TERT: variants seen among roughly 807,000 people sequenced by gnomAD.
The protein encoded by TERT is telomerase reverse transcriptase.
In TERT, 42 loss-of-function variants were observed where a neutral mutation model predicts 104.0. The ratio of observed to expected loss-of-function variants is 0.40; its 90% CI spans 0.32 to 0.52. The LOEUF is 0.52. TERT is among the 20% of genes least tolerant of loss of function. TERT has a pLI of 0.43. For synonymous variants in TERT, 781 were observed against 725.6 expected (o/e 1.08, Z -1.23); for missense variants, 1,101 against 1,610.3 (o/e 0.68, Z 5.41).
chr5:1,270,981 G>A lies in TERT; in HGVS notation c.2468+138C>T. On this transcript the variant is annotated intron_variant, in intron 8 of 15. Transcript: ENST00000310581. The surrounding 1 kb of genome is among the most constrained non-coding windows in gnomAD (Gnocchi z 8.3). The stretch of plus-strand genomic sequence containing the variant: ...GGAGCCTGCAGCCCAGGAGCCGGAG[G>A]GGGCGGGGGCCAGAAAAGGAGACTC... The A allele has an allele frequency of 2.9e-6, 2 of 687,770 alleles. No individual in the cohort carries two copies. Among genetic ancestry groups the A allele is most frequent in the East Asian group, 2.7e-5 (1 of 36,556 alleles). 42.6% of individuals were successfully genotyped at this position (687,770 alleles called of 1,614,324 possible). A position where few individuals can be genotyped will look rare whatever the true frequency, so the allele number is the denominator to read the frequency against.
rs751231538 is a variant in TERT at position 1,294,167 on chromosome 5, C to T, written c.719G>A (p.Arg240His). Reference protein sequence around the residue: ...RSLPLPKRPRRGAAPEPERTP... With the variant: ...RSLPLPKRPRHGAAPEPERTP... ...CCGCTCCGGCTCAGGGGCAGCGCCA[C>T]GCCTGGGCCTCTTGGGCAACGGCAG... Residue 240 changes from arginine to histidine, a missense_variant, in exon 2 of 16, where the codon CGT (arginine) becomes CAT (histidine). By Grantham distance (29) the Arg-to-His change is conservative. Coordinates refer to ENST00000310581, the MANE Select transcript of TERT (RefSeq NM_198253.3). 1.5e-5 allele frequency: 23 copies of T among 1,581,342 alleles called. No homozygotes were observed. In the East Asian group the frequency reaches 4.9e-4, roughly 34 times the overall value.
chr5:1,267,852 G>A (rs1160578399), intron 9 of TERT, among the ~76,000 whole-genome samples: 1 of 152,162 alleles, frequency 6.6e-6, no homozygotes, highest in Non-Finnish European at 1.5e-5. Flanking sequence ...GGGGAGTGGG[G>A]AGGGATAGCA....
intron 1 of TERT, 46 bp downstream of exon 1, chr5:1,294,725 C>A (rs1223364953): frequency 2.5e-6 from 4 of 1,570,152 alleles, no homozygotes; most frequent in Non-Finnish European, 3.4e-6. Context: ...TGGTTCCCCC[C>A]GGCCGCCCTC....
rs1747651803 is a variant in TERT at position 1,255,411 on chromosome 5, C to T, written c.3033G>A (p.Arg1011=). The T allele has an allele frequency of 1.2e-6, 2 of 1,614,188 alleles. No individual in the cohort carries two copies. Among genetic ancestry groups the T allele is most frequent in the Non-Finnish European group, 1.7e-6 (2 of 1,180,024 alleles). The stretch of plus-strand genomic sequence containing the variant: ...GGAGCTGCAGCACACATGCGTGAAA[C>T]CTGAGAGGATGGCGGACAGCGTCAG... ...IYKILLLQAY[R]FHACVLQLPF... The change falls in exon 14 of 16, where the codon AGG becomes AGA. Residue 1011 remains arginine (R), a splice_region_variant and synonymous_variant. Transcript: ENST00000310581. The surrounding 1 kb of genome is among the most constrained non-coding windows in gnomAD (Gnocchi z 6.9).
chr5:1,284,879 C>A (rs1750369656), intron 2 of TERT, among the ~76,000 whole-genome samples: 1 of 149,016 alleles, frequency 6.7e-6, no homozygotes, highest in African/African-American at 2.5e-5. Context: ...CACCGTCTGG[C>A]GACCTCACTC....
Position 1,279,294 on chromosome 5 carries a change from G to T in TERT, c.2127C>A (p.Val709=), listed in dbSNP as rs765264494. Residue 709 remains valine (V), a synonymous_variant, in exon 5 of 16, where the codon GTC becomes GTA. Transcript: ENST00000310581. ...CACGGGGGTCCCCGGCACCCACCTT[G>T]ACAAAGTACAGCTCAGGCGGCGGGT... The part of the protein sequence containing the change: ...AQDPPPELYF[V]KVDVTGAYDT... The T allele has an allele frequency of 1.9e-6, 3 of 1,579,994 alleles. No individual in the cohort carries two copies. In the South Asian group the frequency reaches 3.5e-5, roughly 18 times the overall value.
Position 1,253,568 on chromosome 5 carries a change from T to A in TERT, c.*160A>T. ...TCAGGCCTCAGCCGGACACTCAGCC[T>A]TCAGCCGGACATGCAGGCCTCGGCC... On this transcript the variant is annotated 3_prime_UTR_variant, in exon 16 of 16. Transcript: ENST00000310581. 2 of 668,160 alleles carry A rather than the reference T, an allele frequency of 3.0e-6. No homozygotes were observed. The highest frequency in any genetic ancestry group is 3.5e-5 in the South Asian group (2 of 57,150). The allele number at this position is 668,160 out of a possible 1,614,324, so 41.4% of individuals were successfully genotyped here.
chr5:1,277,113 G>C (rs1749652929), intron 6 of TERT, among the ~76,000 whole-genome samples: 1 of 152,190 alleles, frequency 6.6e-6, no homozygotes, highest in Non-Finnish European at 1.5e-5. Context: ...TGGGCACGTG[G>C]GCATCAAGAG....
At chr5:1,260,783 ACT>A (rs1163553764) in intron 11 of TERT, among the ~76,000 whole-genome samples, 183 bp from the exon 12 acceptor site, 10 of 152,086 alleles carry the variant, frequency 6.6e-5, no homozygotes, top group African/African-American at 1.7e-4. Flanking sequence ...TGCCATCCAG[ACT>A]CTGCATGACC....
chr5:1,293,597 T>C lies in TERT; in HGVS notation c.1289A>G (p.Lys430Arg). Residue 430 changes from lysine (K) to arginine (R), a missense_variant, in exon 2 of 16, where the codon AAG becomes AGG. By Grantham distance (26) the Lys-to-Arg change is conservative. Transcript: ENST00000310581. ...TPAAGVCARE[K>R]PQGSVAAPEE... ...GGGGGCCGCCACAGAGCCCTGGGGC[T>C]TCTCCCGGGCACAGACACCGGCTGC... is the stretch of plus-strand genomic sequence containing the variant. 6.5e-7 allele frequency: 1 copy of C among 1,548,022 alleles called. No individual in the cohort carries two copies. Among genetic ancestry groups the C allele is most frequent in the Non-Finnish European group, 8.7e-7 (1 of 1,145,038 alleles).
At position 1,293,617 on chromosome 5, in the gene TERT, G is replaced by T. The variant is rs190411812; in HGVS notation, c.1269C>A (p.Ala423=). Reference sequence around the variant, plus strand: ...GGGGCTTCTCCCGGGCACAGACACCGGCTGCTGGGGTGACCGCAGCTCGCA... The same window carrying T: ...GGGGCTTCTCCCGGGCACAGACACCTGCTGCTGGGGTGACCGCAGCTCGCA... ...CPLRAAVTPA[A]GVCAREKPQG... Residue 423 remains alanine (A), a synonymous_variant, in exon 2 of 16, where the codon GCC becomes GCA. Coordinates refer to ENST00000310581, the MANE Select transcript of TERT (RefSeq NM_198253.3). 1.0e-4 allele frequency: 162 copies of T among 1,550,082 alleles called. 2 individuals are homozygous for T. In the African/African-American group the frequency reaches 1.9e-3, roughly 19 times the overall value.
chr5:1,290,693 C>A (rs1750854636), intron 2 of TERT, among the ~76,000 whole-genome samples: 1 of 70,582 alleles, frequency 1.4e-5, no homozygotes, highest in Admixed American at 1.4e-4. Context: ...GCCTCACTCA[C>A]CCTGCACGTG....
intron 15 of TERT, 103 bp downstream of exon 15, chr5:1,254,265 G>T: frequency 1.3e-6 from 2 of 1,529,552 alleles, no homozygotes; most frequent in Non-Finnish European, 1.8e-6. Context: ...AGGCCCGGGG[G>T]CGTCTGCACT....
chr5:1,258,510 G>A lies in TERT; in HGVS notation c.3032+88C>T, dbSNP rs533921916. 1.2e-5 allele frequency: 14 copies of A among 1,214,634 alleles called. No homozygotes were observed. In the South Asian group the frequency reaches 1.5e-4, roughly 13 times the overall value. The allele number at this position is 1,214,634 out of a possible 1,614,324, so 75.2% of individuals were successfully genotyped here. ...GACATTCCTTGCCCCTAAAACCCAG[G>A]AGTTCCAAGGTGAAGCCCCGGGTCA... On this transcript the variant is annotated intron_variant, in intron 13 of 15. Coordinates refer to ENST00000310581, the MANE Select transcript of TERT (RefSeq NM_198253.3).
At position 1,286,706 on chromosome 5, in the gene TERT, T is replaced by C. The variant is rs1479461127; in HGVS notation, c.1574-4082A>G. 1.3e-5 allele frequency among the ~76,000 whole-genome samples: 2 copies of C among 152,098 alleles called. No homozygotes were observed. Among genetic ancestry groups the C allele is most frequent in the South Asian group, 2.1e-4 (1 of 4,796 alleles). On this transcript the variant is annotated intron_variant, in intron 2 of 15. Coordinates refer to ENST00000310581, the MANE Select transcript of TERT (RefSeq NM_198253.3). This position sits in a 1 kb window ranked among gnomAD's most constrained non-coding sequence, Gnocchi z 5.3. ...CAGCCTGGCCAACATGGTGAAAGCC[T>C]ATCTCTACTAAAAATACAAAAATTA... is the stretch of plus-strand genomic sequence containing the variant.
intron 10 of TERT, 115 bp downstream of exon 10, chr5:1,266,349 G>T: frequency 1.0e-6 from 1 of 991,104 alleles, no homozygotes. Context: ...AGCACCGGCA[G>T]AGAGAGAGGA....
At position 1,255,168 on chromosome 5, in the gene TERT, A is replaced by G; in HGVS notation, c.3157+119T>C. On this transcript the variant is annotated intron_variant, in intron 14 of 15. Coordinates refer to ENST00000310581, the MANE Select transcript of TERT (RefSeq NM_198253.3). This position sits in a 1 kb window ranked among gnomAD's most constrained non-coding sequence, Gnocchi z 6.9. ...ACGAGCCTGACAGTGGTTGGGTTAA[A>G]CCACTTCCTGATGCGAAAAGGGGTA... is the stretch of plus-strand genomic sequence containing the variant. 7.2e-7 allele frequency: 1 copy of G among 1,390,148 alleles called. No individual in the cohort carries two copies. Among genetic ancestry groups the G allele is most frequent in the Non-Finnish European group, 9.9e-7 (1 of 1,008,688 alleles). The allele number at this position is 1,390,148 out of a possible 1,614,324, so 86.1% of individuals were successfully genotyped here. A position where few individuals can be genotyped will look rare whatever the true frequency, so the allele number is the denominator to read the frequency against.
Position 1,294,867 on chromosome 5 carries a change from G to A in TERT, c.123C>T (p.Arg41=), listed in dbSNP as rs1436697048. 1 of 1,451,528 alleles carries A rather than the reference G, an allele frequency of 6.9e-7. No homozygotes were observed. The highest frequency in any genetic ancestry group is 9.0e-7 in the Non-Finnish European group (1 of 1,109,400). The allele number at this position is 1,451,528 out of a possible 1,614,324, so 89.9% of individuals were successfully genotyped here. A position where few individuals can be genotyped will look rare whatever the true frequency, so the allele number is the denominator to read the frequency against. Residue 41 remains arginine, a synonymous_variant, in exon 1 of 16, where the codon CGC becomes CGT. Transcript: ENST00000310581. ...GCGCGCGGAAAGCCGCCGGGTCCCC[G>A]CGCTGCACCAGCCGCCAGCCCTGGG... is the stretch of plus-strand genomic sequence containing the variant. ...LGPQGWRLVQ[R]GDPAAFRALV... is the part of the protein sequence containing the mutation.
intron 15 of TERT, among the ~76,000 whole-genome samples, chr5:1,254,163 A>T (rs1300013964): frequency 6.6e-6 from 1 of 152,170 alleles, no homozygotes; most frequent in Non-Finnish European, 1.5e-5. Flanking sequence ...GCAGGGGTTC[A>T]AGAAGTTGTG....
Sources: allele counts gnomAD v4.1 joint callset (sites outside exome capture counted in the v4.1 genomes callset), GRCh38; gene constraint gnomAD v4.1.1; non-coding constraint Gnocchi (gnomAD v3.1); transcripts MANE v1.5; gene names NCBI Gene and HGNC (gene_info 2026-07-23, HGNC 2026-07-21).